XXYLT1: variants seen among roughly 807,000 people sequenced by gnomAD.
XXYLT1 encodes xyloside xylosyltransferase 1.
A neutral mutation model predicts 28.9 loss-of-function variants in XXYLT1; 20 were observed. The observed-to-expected ratio is 0.69, with a 90% CI of 0.49 to 1.00. XXYLT1 has a LOEUF of 1.00. XXYLT1 is among the 50% of genes least tolerant of loss of function. The probability of loss-of-function intolerance (pLI) is 0.00; values close to 1 mark genes in which losing one functional copy is unlikely to be tolerated. For synonymous variants in XXYLT1, 257 were observed against 253.8 expected (o/e 1.01, Z -0.12); for missense variants, 542 against 560.1 (o/e 0.97, Z 0.33).
chr3:195,270,228 C>G (rs1477981002), intron 1 of XXYLT1: 1 of 583,748 alleles, frequency 1.7e-6, no homozygotes, highest in African/African-American at 1.9e-5. Flanking sequence ...AACAGAGGTG[C>G]AGACTCTGAA....
At chr3:195,149,434 G>C (rs151133013) in intron 3 of XXYLT1, among the ~76,000 whole-genome samples, 1 of 152,012 alleles carries the variant, frequency 6.6e-6, no homozygotes, top group Non-Finnish European at 1.5e-5. Context: ...TGGAGATCAG[G>C]GCTAGAGCCA....
chr3:195,178,962 A>C (rs1721808808), intron 2 of XXYLT1, among the ~76,000 whole-genome samples: 2 of 151,690 alleles, frequency 1.3e-5, no homozygotes, highest in Admixed American at 1.3e-4. Context: ...GGCTACTCTG[A>C]AGGTGGCAGC....
At position 195,168,133 on chromosome 3, in the gene XXYLT1, C is replaced by T. The variant is rs968829454; in HGVS notation, c.653-11552G>A. On this transcript the variant is annotated intron_variant, in intron 2 of 3. Coordinates refer to ENST00000310380, the MANE Select transcript of XXYLT1 (RefSeq NM_152531.5). The surrounding 1 kb of genome is among the most constrained non-coding windows in gnomAD (Gnocchi z 4.3). The stretch of plus-strand genomic sequence containing the variant: ...ATAGAGCCGTGGCTCACCGGCCTGG[C>T]TATGGCACTGCGTCCAACCATGGGC... 6.6e-6 allele frequency among the ~76,000 whole-genome samples: 1 copy of T among 152,212 alleles called. No homozygotes were observed. The highest frequency in any genetic ancestry group is 1.9e-4 in the East Asian group (1 of 5,196).
intron 3 of XXYLT1, among the ~76,000 whole-genome samples, chr3:195,108,300 A>G (rs1412875576): frequency 6.6e-6 from 1 of 152,266 alleles, no homozygotes; most frequent in Non-Finnish European, 1.5e-5. Context: ...AAACATGCAG[A>G]AATCCTATGA....
chr3:195,111,937 G>A (rs556862678), intron 3 of XXYLT1, among the ~76,000 whole-genome samples: 74 of 152,142 alleles, frequency 4.9e-4, no homozygotes, highest in Non-Finnish European at 5.6e-4. Flanking sequence ...CAAATAGCGC[G>A]TGCCTGCTCT....
intron 2 of XXYLT1, among the ~76,000 whole-genome samples, chr3:195,213,976 T>G (rs1440984752): frequency 6.6e-6 from 1 of 152,174 alleles, no homozygotes; most frequent in East Asian, 1.9e-4. Context: ...AGCAAAACAT[T>G]AGGAGCCATC....
At chr3:195,157,560 G>A (rs1182850161) in intron 2 of XXYLT1, among the ~76,000 whole-genome samples, 1 of 152,164 alleles carries the variant, frequency 6.6e-6, no homozygotes, top group African/African-American at 2.4e-5. Context: ...AGAAGCACAG[G>A]AGGGAGGCAC....
At chr3:195,100,300 C>T (rs1206383965) in intron 3 of XXYLT1, among the ~76,000 whole-genome samples, 4 of 152,130 alleles carry the variant, frequency 2.6e-5, no homozygotes, top group African/African-American at 9.7e-5. Flanking sequence ...AGCATGGGGT[C>T]CTATCTGGGA....
intron 1 of XXYLT1, among the ~76,000 whole-genome samples, chr3:195,263,196 C>T (rs1725744464): frequency 6.6e-6 from 1 of 152,244 alleles, no homozygotes; most frequent in African/African-American, 2.4e-5. Flanking sequence ...TTTGCTCTTG[C>T]ACTCAAAGAA....
In XXYLT1 at chr3:195,077,779, A is replaced by G. The variant is rs1456444140; in HGVS notation, c.786-7668T>C. ...CAGCTGGCAGGCCTGAGGCCTCCAC[A>G]TGGCACGGCACCACCAGGACCCCAA... On this transcript the variant is annotated intron_variant, in intron 3 of 3. Coordinates refer to ENST00000310380, the MANE Select transcript of XXYLT1 (RefSeq NM_152531.5). This position sits in a 1 kb window ranked among gnomAD's most constrained non-coding sequence, Gnocchi z 4.8. 1.3e-5 allele frequency among the ~76,000 whole-genome samples: 2 copies of G among 152,094 alleles called. No homozygotes were observed. Among genetic ancestry groups the G allele is most frequent in the Admixed American group, 1.3e-4 (2 of 15,274 alleles).
chr3:195,216,610 A>G (rs1472606250), intron 2 of XXYLT1, among the ~76,000 whole-genome samples: 2 of 149,298 alleles, frequency 1.3e-5, no homozygotes, highest in Non-Finnish European at 3.0e-5. Context: ...AGACTAAACC[A>G]GGAAGAAGTT....
chr3:195,105,984 CG>C (rs1560097194), intron 3 of XXYLT1, among the ~76,000 whole-genome samples: 1 of 152,146 alleles, frequency 6.6e-6, no homozygotes, highest in Non-Finnish European at 1.5e-5. Context: ...TGATTAATGT[CG>C]GCAGCATTTC....
chr3:195,224,688 G>C (rs1191284970), intron 2 of XXYLT1, among the ~76,000 whole-genome samples: 2 of 152,166 alleles, frequency 1.3e-5, no homozygotes, highest in Non-Finnish European at 2.9e-5. Context: ...AGGCAGGAGG[G>C]AGGGAGGTGA....
At chr3:195,080,863 C>T (rs1477070173) in intron 3 of XXYLT1, among the ~76,000 whole-genome samples, 2 of 152,230 alleles carry the variant, frequency 1.3e-5, no homozygotes, top group Non-Finnish European at 2.9e-5. Context: ...GTGGACGTGG[C>T]TCACCCAGGC....
At chr3:195,203,942 C>T (rs552466188) in intron 2 of XXYLT1, among the ~76,000 whole-genome samples, 5 of 152,196 alleles carry the variant, frequency 3.3e-5, no homozygotes, top group South Asian at 2.1e-4. Context: ...GAGGAAATGA[C>T]GGTCATGTCA....
chr3:195,206,346 C>CA (rs1282691302), intron 2 of XXYLT1, among the ~76,000 whole-genome samples: 1 of 151,074 alleles, frequency 6.6e-6, no homozygotes, highest in Non-Finnish European at 1.5e-5. Context: ...GGGAAAGACT[C>CA]AAGAGTCAAC....
At chr3:195,104,198 C>CGTGTGTGTGTGTGT (rs59361512) in intron 3 of XXYLT1, among the ~76,000 whole-genome samples, 14 of 142,072 alleles carry the variant, frequency 9.9e-5, no homozygotes, top group African/African-American at 3.5e-4. Context: ...ATGAGGGCTC[C>CGTGTGTGTGTGTGT]GTGTGTGTGT....
intron 1 of XXYLT1, among the ~76,000 whole-genome samples, chr3:195,265,140 C>T (rs1029280966): frequency 2.0e-5 from 3 of 151,914 alleles, no homozygotes; most frequent in Admixed American, 6.6e-5. Flanking sequence ...GAGGCCAAGG[C>T]AGGTGGATCA....
In XXYLT1 at chr3:195,240,971, T is replaced by G. The variant is rs551135688; in HGVS notation, c.505-14115A>C. On this transcript the variant is annotated intron_variant, in intron 1 of 3. Transcript: ENST00000310380. This position sits in a 1 kb window ranked among gnomAD's most constrained non-coding sequence, Gnocchi z 4.7. ...AAAACGCTCCAAACCTATAGGTAGA[T>G]CAAACACAATTCTGAACGGAAGAGG... is the stretch of plus-strand genomic sequence containing the variant. Among the ~76,000 whole-genome samples the G allele has an allele frequency of 2.0e-5, 3 of 152,318 alleles. No individual in the cohort carries two copies. The highest frequency in any genetic ancestry group is 4.8e-5 in the African/African-American group (2 of 41,566).
Sources: allele counts gnomAD v4.1 joint callset (sites outside exome capture counted in the v4.1 genomes callset), GRCh38; gene constraint gnomAD v4.1.1; non-coding constraint Gnocchi (gnomAD v3.1); transcripts MANE v1.5; gene names NCBI Gene and HGNC (gene_info 2026-07-23, HGNC 2026-07-21).